Variants in RAMP1 observed in about 807,000 individuals in gnomAD.
RAMP1 encodes receptor activity modifying protein 1.
RAMP1 carries 7 observed loss-of-function variants against 8.2 expected under a neutral mutation model. The observed-to-expected ratio is 0.85, with a 90% CI of 0.49 to 1.60. The LOEUF is 1.60. RAMP1 is among the 40% of genes most tolerant of loss of function. RAMP1 has a pLI of 0.00. For missense variants in RAMP1, 192 were observed against 202.4 expected, an observed-to-expected ratio of 0.95 and a Z score of 0.31; for synonymous variants, 92 against 84.7, an observed-to-expected ratio of 1.09 and a Z score of -0.47.
chr2:237,862,705 C>G lies in RAMP1; in HGVS notation c.52+2978C>G, dbSNP rs1192001376. Among the ~76,000 whole-genome samples, 1 of 152,176 alleles carries G rather than the reference C, an allele frequency of 6.6e-6. No homozygotes were observed. Among genetic ancestry groups the G allele is most frequent in the African/African-American group, 2.4e-5 (1 of 41,428 alleles). Reference sequence around the variant, plus strand: ...CAGTGCCCCTGCCAGTGCCCCCACCCCCAACTCAGGCCTAGAACCCCTCTT... The same window carrying G: ...CAGTGCCCCTGCCAGTGCCCCCACCGCCAACTCAGGCCTAGAACCCCTCTT... On this transcript the variant is annotated intron_variant, in intron 1 of 2. Coordinates refer to ENST00000254661, the MANE Select transcript of RAMP1 (RefSeq NM_005855.4). This position sits in a 1 kb window ranked among gnomAD's most constrained non-coding sequence, Gnocchi z 4.0.
chr2:237,889,326 C>A (rs889838413), intron 2 of RAMP1, among the ~76,000 whole-genome samples: 1 of 152,176 alleles, frequency 6.6e-6, no homozygotes, highest in African/African-American at 2.4e-5. Context: ...TGTAGTTGTT[C>A]TGTGTTTTGA....
chr2:237,908,343 C>T (rs2062673429), intron 2 of RAMP1, among the ~76,000 whole-genome samples: 1 of 150,846 alleles, frequency 6.6e-6, no homozygotes, highest in African/African-American at 2.4e-5. Context: ...ACCCCTCTTC[C>T]CTGTGGCAAA....
chr2:237,859,811 AGCGG>A, intron 1 of RAMP1, 84 bp downstream of exon 1: 1 of 592,342 alleles, frequency 1.7e-6, no homozygotes, highest in South Asian at 2.8e-5. Flanking sequence ...AGCGGGTGGG[AGCGG>A]GTGGGAGCGG....
chr2:237,872,012 A>G (rs1440360457), intron 1 of RAMP1, among the ~76,000 whole-genome samples: 6 of 152,264 alleles, frequency 3.9e-5, no homozygotes, highest in Non-Finnish European at 7.3e-5. Context: ...GAGAAAAAAT[A>G]TAGGCTTCTT....
chr2:237,861,917 T>A (rs2062136478), intron 1 of RAMP1, among the ~76,000 whole-genome samples: 1 of 152,142 alleles, frequency 6.6e-6, no homozygotes, highest in Admixed American at 6.5e-5. Flanking sequence ...TGTACTCTTC[T>A]GTTTACTGGA....
At chr2:237,893,970 C>CTTTT (rs71039788) in intron 2 of RAMP1, among the ~76,000 whole-genome samples, 1,208 of 104,148 alleles carry the variant, frequency 0.012, 49 homozygotes, top group Non-Finnish European at 0.013. Flanking sequence ...AAAATACTTT[C>CTTTT]TTTTTTTTTT....
At chr2:237,903,422 G>C (rs935852153) in intron 2 of RAMP1, among the ~76,000 whole-genome samples, 8 of 152,298 alleles carry the variant, frequency 5.3e-5, no homozygotes, top group African/African-American at 1.9e-4. Flanking sequence ...GATACATATT[G>C]CCAAATTGTG....
intron 2 of RAMP1, among the ~76,000 whole-genome samples, chr2:237,880,925 C>T (rs1258425002): frequency 3.9e-5 from 6 of 152,210 alleles, no homozygotes; most frequent in Non-Finnish European, 8.8e-5. Context: ...ATAATCATCA[C>T]ACTGGTTCCA....
At chr2:237,879,485 T>C (rs13424697) in intron 2 of RAMP1, among the ~76,000 whole-genome samples, 7,670 of 138,700 alleles carry the variant, frequency 0.055, 516 homozygotes, top group African/African-American at 0.19. Context: ...TTTTCGTTTT[T>C]TTATTATTAT....
chr2:237,909,808 C>T (rs2062691423), intron 2 of RAMP1, among the ~76,000 whole-genome samples: 2 of 152,084 alleles, frequency 1.3e-5, no homozygotes, highest in Admixed American at 1.3e-4. Flanking sequence ...AAACAGATGG[C>T]GTTTGCTCTC....
rs370007717 is a variant in RAMP1, at chr2:237,885,056, A to G, written c.191+7694A>G. 2.1e-4 allele frequency among the ~76,000 whole-genome samples: 32 copies of G among 152,336 alleles called. No individual in the cohort carries two copies. The South Asian group carries it at 5.8e-3, about 28-fold the overall frequency. On this transcript the variant is annotated intron_variant, in intron 2 of 2. Coordinates refer to ENST00000254661, the MANE Select transcript of RAMP1 (RefSeq NM_005855.4). ...GTCCACACGACGTTGGGCAGGGTGC[A>G]CCAACACTTTGGGGTCCTTCCCAGC...
At position 237,874,159 on chromosome 2, in the gene RAMP1, G is replaced by A. The variant is rs565227747; in HGVS notation, c.53-3065G>A. ...ACCCGGACAGGGGATTGCATGGGTGGTGGAAGCTAGAACTGGCTGGGCTGC... is the reference window on the plus strand; with the variant it reads ...ACCCGGACAGGGGATTGCATGGGTGATGGAAGCTAGAACTGGCTGGGCTGC... On this transcript the variant is annotated intron_variant, in intron 1 of 2. Coordinates refer to ENST00000254661, the MANE Select transcript of RAMP1 (RefSeq NM_005855.4). Among the ~76,000 whole-genome samples the A allele has an allele frequency of 5.3e-5, 8 of 152,380 alleles. No individual in the cohort carries two copies. The South Asian group carries it at 1.4e-3, about 28-fold the overall frequency.
chr2:237,899,697 G>C (rs576704516), intron 2 of RAMP1, among the ~76,000 whole-genome samples: 1 of 152,364 alleles, frequency 6.6e-6, no homozygotes, highest in South Asian at 2.1e-4. Context: ...GCGTTGAGAC[G>C]CATGTCATGC....
At chr2:237,879,028 A>G (rs918496362) in intron 2 of RAMP1, among the ~76,000 whole-genome samples, 3 of 152,244 alleles carry the variant, frequency 2.0e-5, no homozygotes, top group Admixed American at 6.5e-5. Flanking sequence ...CCAAGATTTC[A>G]GGGCCTCCTT....
intron 2 of RAMP1, among the ~76,000 whole-genome samples, chr2:237,899,014 G>A (rs2062571923): frequency 6.6e-6 from 1 of 152,142 alleles, no homozygotes; most frequent in Non-Finnish European, 1.5e-5. Context: ...TGGCTGCCAC[G>A]AAAATGCCAC....
Position 237,877,492 on chromosome 2 carries a change from G to C in RAMP1, c.191+130G>C, listed in dbSNP as rs183713343. On this transcript the variant is annotated intron_variant, in intron 2 of 2. Coordinates refer to ENST00000254661, the MANE Select transcript of RAMP1 (RefSeq NM_005855.4). This position sits in a 1 kb window ranked among gnomAD's most constrained non-coding sequence, Gnocchi z 4.4. ...CCCGGAAGGGTTCTTCCCCCAGTGG[G>C]GGGGGCCGGGATGAAGACAGAGGAG... The C allele has an allele frequency of 1.1e-5, 14 of 1,267,468 alleles. 1 individual carries two copies. The highest frequency in any genetic ancestry group is 7.6e-5 in the South Asian group (5 of 66,178). 78.5% of individuals were successfully genotyped at this position (1,267,468 alleles called of 1,614,324 possible). A position where few individuals can be genotyped will look rare whatever the true frequency, so the allele number is the denominator to read the frequency against.
chr2:237,903,067 C>T (rs970117336), intron 2 of RAMP1, among the ~76,000 whole-genome samples: 1 of 152,168 alleles, frequency 6.6e-6, no homozygotes, highest in Non-Finnish European at 1.5e-5. Context: ...CTAGGTTGCC[C>T]AGGCTGGTCT....
chr2:237,906,754 GCT>G (rs1442916341), intron 2 of RAMP1, among the ~76,000 whole-genome samples: 2 of 103,698 alleles, frequency 1.9e-5, no homozygotes, highest in Non-Finnish European at 3.5e-5. Context: ...AGACAGTCTT[GCT>G]CTGTCACCCA....
Position 237,911,922 on chromosome 2 carries a change from A to T in RAMP1, c.*139A>T, listed in dbSNP as rs995888703. ...CTTCCAGCCAAGAAGAGCTCACAGG[A>T]GTCCAGAGTAGCCGAGGCTCTGGTA... On this transcript the variant is annotated 3_prime_UTR_variant, in exon 3 of 3. Transcript: ENST00000254661. The T allele has an allele frequency of 6.0e-6, 8 of 1,331,828 alleles. No homozygotes were observed. The highest frequency in any genetic ancestry group is 8.0e-6 in the Non-Finnish European group (8 of 1,004,240). The allele number at this position is 1,331,828 out of a possible 1,614,324, so 82.5% of individuals were successfully genotyped here.
Sources: gnomAD v4.1 joint callset for allele counts (sites outside exome capture counted in the v4.1 genomes callset) on GRCh38, gnomAD v4.1.1 for gene constraint, Gnocchi (gnomAD v3.1) non-coding constraint, MANE v1.5 for transcripts, NCBI Gene and HGNC (gene_info 2026-07-23, HGNC 2026-07-21) for gene names.